The following RPS23 variants were observed in gnomAD, a reference collection of about 807,000 sequenced individuals.
RPS23 encodes small ribosomal subunit protein uS12.
For missense variants in RPS23, 73 were observed against 174.5 expected, an observed-to-expected ratio of 0.42 and a Z score of 3.28; for synonymous variants, 66 against 60.4, an observed-to-expected ratio of 1.09 and a Z score of -0.43.
rs1334450334 is a variant in RPS23, at chr5:82,275,233, A to C, written c.*876T>G. The C allele has an allele frequency of 2.8e-6, 2 of 702,620 alleles. No individual in the cohort carries two copies. The highest frequency in any genetic ancestry group is 3.5e-5 in the African/African-American group (2 of 57,390). 43.5% of individuals were successfully genotyped at this position (702,620 alleles called of 1,614,324 possible). ...CTATTTGTTAACAGGAGTTTCTTAC[A>C]TCAGATTTAAAGCAGAAGGCTCACA... On this transcript the variant is annotated 3_prime_UTR_variant, in exon 4 of 4. Coordinates refer to ENST00000296674, the MANE Select transcript of RPS23 (RefSeq NM_001025.5).
chr5:82,273,420 A>G lies in RPS23; in HGVS notation c.*2689T>C, dbSNP rs1267087785. 6.7e-6 allele frequency: 1 copy of G among 149,444 alleles called. No individual in the cohort carries two copies. The highest frequency in any genetic ancestry group is 2.6e-5 in the African/African-American group (1 of 38,814). The allele number at this position is 149,444 out of a possible 1,614,324, so 9.3% of individuals were successfully genotyped here. The stretch of plus-strand genomic sequence containing the variant: ...CAATTTCTGTCCCTTTTAAGGGCTC[A>G]CAACACTAAAGATTTCACATGAAAG... On this transcript the variant is annotated 3_prime_UTR_variant, in exon 4 of 4. Transcript: ENST00000296674.
rs905519976 is a variant in RPS23, at chr5:82,275,098, G to A, written c.*1011C>T. On this transcript the variant is annotated 3_prime_UTR_variant, in exon 4 of 4. Transcript: ENST00000296674. The stretch of plus-strand genomic sequence containing the variant: ...CTGGGTTCTTCTGTGCCATGTGAAA[G>A]GTTCTGCTCTTGATCCTACGGAAAG... The A allele has an allele frequency of 1.1e-5, 7 of 628,754 alleles. No individual in the cohort carries two copies. The African/African-American group carries it at 1.3e-4, about 11-fold the overall frequency. The allele number at this position is 628,754 out of a possible 1,614,324, so 38.9% of individuals were successfully genotyped here.
At chr5:82,277,487 C>T (rs1474521219) in intron 2 of RPS23, 2 of 592,684 alleles carry the variant, frequency 3.4e-6, no homozygotes, top group East Asian at 2.9e-5. Context: ...TCCAGGCCAA[C>T]GTTAAATTAA....
Position 82,275,125 on chromosome 5 carries a change from G to A in RPS23, c.*984C>T. The A allele has an allele frequency of 1.5e-6, 1 of 672,520 alleles. No homozygotes were observed. The highest frequency in any genetic ancestry group is 2.7e-6 in the Non-Finnish European group (1 of 369,554). 41.7% of individuals were successfully genotyped at this position (672,520 alleles called of 1,614,324 possible). On this transcript the variant is annotated 3_prime_UTR_variant, in exon 4 of 4. Transcript: ENST00000296674. ...TTCTGCTCTTGATCCTACGGAAAGTGGGCAACCAAACCAATTGTTTTCCAA... is the reference window on the plus strand; with the variant it reads ...TTCTGCTCTTGATCCTACGGAAAGTAGGCAACCAAACCAATTGTTTTCCAA...
In RPS23 at chr5:82,274,447, G is replaced by T. The variant is rs1256418098; in HGVS notation, c.*1662C>A. 6.6e-6 allele frequency: 1 copy of T among 152,384 alleles called. No individual in the cohort carries two copies. Among genetic ancestry groups the T allele is most frequent in the African/African-American group, 2.4e-5 (1 of 41,436 alleles). 9.4% of individuals were successfully genotyped at this position (152,384 alleles called of 1,614,324 possible). A position where few individuals can be genotyped will look rare whatever the true frequency, so the allele number is the denominator to read the frequency against. The stretch of plus-strand genomic sequence containing the variant: ...AAGGGCGTCCTGGGTGCAGCCAACA[G>T]GGTACAGCTGCAAGCCATTGTTGAA... On this transcript the variant is annotated 3_prime_UTR_variant, in exon 4 of 4. Coordinates refer to ENST00000296674, the MANE Select transcript of RPS23 (RefSeq NM_001025.5).
rs1581864012 is a variant in RPS23 at position 82,275,847 on chromosome 5, A to C, written c.*262T>G. 2.3e-6 allele frequency: 1 copy of C among 444,430 alleles called. No homozygotes were observed. Among genetic ancestry groups the C allele is most frequent in the East Asian group, 3.8e-5 (1 of 26,142 alleles). 27.5% of individuals were successfully genotyped at this position (444,430 alleles called of 1,614,324 possible). ...AATACTGCACATTTATTCCAGATCTATCCCATTTTCTTATTCCACAGGATG... is the reference window on the plus strand; with the variant it reads ...AATACTGCACATTTATTCCAGATCTCTCCCATTTTCTTATTCCACAGGATG... On this transcript the variant is annotated 3_prime_UTR_variant, in exon 4 of 4. Transcript: ENST00000296674.
In RPS23 at chr5:82,276,673, C is replaced by A. The variant is rs75377932; in HGVS notation, c.165-155G>T. The A allele has an allele frequency of 7.2e-3, 6,359 of 886,836 alleles. 425 individuals are homozygous for A. The East Asian group carries it at 0.14, about 20-fold the overall frequency. The allele number at this position is 886,836 out of a possible 1,614,324, so 54.9% of individuals were successfully genotyped here. ...CTGTGATGTCAACCTAGTTTTCTGC[C>A]AGTCTTAATTTCATTAGCACAATGG... On this transcript the variant is annotated intron_variant, in intron 2 of 3. Coordinates refer to ENST00000296674, the MANE Select transcript of RPS23 (RefSeq NM_001025.5).
chr5:82,277,377 A>C, intron 2 of RPS23: 1 of 370,674 alleles, frequency 2.7e-6, no homozygotes, highest in Non-Finnish European at 5.0e-6. Context: ...CAAGTCGATA[A>C]AGTTCAATAG....
Position 82,277,716 on chromosome 5 carries a change from T to C in RPS23, c.141A>G (p.Ala47=). Residue 47 remains alanine (A), a synonymous_variant, in exon 2 of 4, where the codon GCA becomes GCG. Coordinates refer to ENST00000296674, the MANE Select transcript of RPS23 (RefSeq NM_001025.5). The part of the protein sequence containing the change: ...KANPFGGASH[A]KGIVLEKVGV... ...ACACTTTTTCCAGCACGATTCCTTT[T>C]GCATGAGAAGCACCTCCAAAAGGGT... 5 of 1,614,040 alleles carry C rather than the reference T, an allele frequency of 3.1e-6. No individual in the cohort carries two copies. Among genetic ancestry groups the C allele is most frequent in the Non-Finnish European group, 4.2e-6 (5 of 1,179,898 alleles).
At chr5:82,276,729 A>C in intron 2 of RPS23, 2 of 616,050 alleles carry the variant, frequency 3.2e-6, no homozygotes, top group South Asian at 2.1e-5. Context: ...ACAGTTATAA[A>C]AGTAGACTGG....
chr5:82,276,045 A>T lies in RPS23; in HGVS notation c.*64T>A, dbSNP rs1747766694. Reference sequence around the variant, plus strand: ...GATCTTCGTGGTGAGAACAGGGGACAGTAAGATACAAACATTTTTTGGCAT... The same window carrying T: ...GATCTTCGTGGTGAGAACAGGGGACTGTAAGATACAAACATTTTTTGGCAT... On this transcript the variant is annotated 3_prime_UTR_variant, in exon 4 of 4. Transcript: ENST00000296674. 2 of 1,460,508 alleles carry T rather than the reference A, an allele frequency of 1.4e-6. No individual in the cohort carries two copies. The highest frequency in any genetic ancestry group is 1.9e-6 in the Non-Finnish European group (2 of 1,062,954). 90.5% of individuals were successfully genotyped at this position (1,460,508 alleles called of 1,614,324 possible).
In RPS23 at chr5:82,278,149, A is replaced by G. The variant is rs1310890398; in HGVS notation, c.4+171T>C. Reference sequence around the variant, plus strand: ...CCGACCTCGGCGGCCTCCACGCCTCATGGGCCCCTTCCGCGCCGGACCACG... The same window carrying G: ...CCGACCTCGGCGGCCTCCACGCCTCGTGGGCCCCTTCCGCGCCGGACCACG... On this transcript the variant is annotated intron_variant, in intron 1 of 3. Coordinates refer to ENST00000296674, the MANE Select transcript of RPS23 (RefSeq NM_001025.5). 4.5e-6 allele frequency: 4 copies of G among 886,204 alleles called. No individual in the cohort carries two copies. In the South Asian group the frequency reaches 7.0e-5, roughly 15 times the overall value. 54.9% of individuals were successfully genotyped at this position (886,204 alleles called of 1,614,324 possible). A position where few individuals can be genotyped will look rare whatever the true frequency, so the allele number is the denominator to read the frequency against.
In RPS23 at chr5:82,275,653, T is replaced by C. The variant is rs967003741; in HGVS notation, c.*456A>G. 7 of 285,958 alleles carry C rather than the reference T, an allele frequency of 2.4e-5. No homozygotes were observed. Among genetic ancestry groups the C allele is most frequent in the African/African-American group, 4.4e-5 (2 of 45,746 alleles). The allele number at this position is 285,958 out of a possible 1,614,324, so 17.7% of individuals were successfully genotyped here. ...TCATCTTGGGCCCCTGTAAGATGGATACAAGAATGTGCATTTCCAAGGGTA... is the reference window on the plus strand; with the variant it reads ...TCATCTTGGGCCCCTGTAAGATGGACACAAGAATGTGCATTTCCAAGGGTA... On this transcript the variant is annotated 3_prime_UTR_variant, in exon 4 of 4. Transcript: ENST00000296674.
intron 2 of RPS23, chr5:82,277,395 G>A (rs988661267): frequency 6.5e-5 from 26 of 398,338 alleles, no homozygotes; most frequent in African/African-American, 2.7e-4. Context: ...TAGCTGACAC[G>A]TGCCATTTAC....
chr5:82,277,956 G>A (rs969015885), intron 1 of RPS23, 104 bp from the exon 2 acceptor site: 12 of 1,044,734 alleles, frequency 1.1e-5, no homozygotes, highest in African/African-American at 3.2e-5. Flanking sequence ...AAGCCGATTG[G>A]CTCTCGTACT....
In RPS23 at chr5:82,274,853, C is replaced by A; in HGVS notation, c.*1256G>T. ...CCCTTGCGGAGGGAGAGACTAGCAT[C>A]ATCATCAAGAGATAAACCGAAGTGT... On this transcript the variant is annotated 3_prime_UTR_variant, in exon 4 of 4. Coordinates refer to ENST00000296674, the MANE Select transcript of RPS23 (RefSeq NM_001025.5). 1 of 230,596 alleles carries A rather than the reference C, an allele frequency of 4.3e-6. No homozygotes were observed. The highest frequency in any genetic ancestry group is 8.6e-6 in the Non-Finnish European group (1 of 116,612). 14.3% of individuals were successfully genotyped at this position (230,596 alleles called of 1,614,324 possible). A position where few individuals can be genotyped will look rare whatever the true frequency, so the allele number is the denominator to read the frequency against.
intron 1 of RPS23, 65 bp from the exon 2 acceptor site, chr5:82,277,917 G>A (rs1342728036): frequency 1.4e-6 from 2 of 1,393,538 alleles, no homozygotes; most frequent in African/African-American, 1.4e-5. Context: ...CATCTTCTAA[G>A]ACACTCGCCT....
chr5:82,276,050 G>T lies in RPS23; in HGVS notation c.*59C>A. 1.3e-6 allele frequency: 2 copies of T among 1,503,554 alleles called. No individual in the cohort carries two copies. The highest frequency in any genetic ancestry group is 9.1e-7 in the Non-Finnish European group (1 of 1,098,216). The allele number at this position is 1,503,554 out of a possible 1,614,324, so 93.1% of individuals were successfully genotyped here. On this transcript the variant is annotated 3_prime_UTR_variant, in exon 4 of 4. Transcript: ENST00000296674. ...TCGTGGTGAGAACAGGGGACAGTAA[G>T]ATACAAACATTTTTTGGCATATGAA...
chr5:82,278,262 C>A, intron 1 of RPS23, 58 bp downstream of exon 1: 1 of 1,587,394 alleles, frequency 6.3e-7, no homozygotes, highest in African/African-American at 1.4e-5. Flanking sequence ...TCCGCCCGCC[C>A]GTCCCCAAGA....
Sources: gnomAD v4.1 joint callset for allele counts on GRCh38, gnomAD v4.1.1 for gene constraint, MANE v1.5 for transcripts, NCBI Gene and HGNC (gene_info 2026-07-23, HGNC 2026-07-21) for gene names.